RNF144A: variants seen among roughly 807,000 people sequenced by gnomAD.
The protein encoded by RNF144A is ring finger protein 144A, also known as E3 ubiquitin-protein ligase RNF144A.
RNF144A carries 11 observed loss-of-function variants against 38.7 expected under a neutral mutation model. The ratio of observed to expected loss-of-function variants is 0.28; its 90% CI spans 0.18 to 0.47. RNF144A has a LOEUF of 0.47. RNF144A is among the 20% of genes least tolerant of loss of function. The probability of loss-of-function intolerance (pLI) is 0.99; values close to 1 mark genes in which losing one functional copy is unlikely to be tolerated. For missense variants in RNF144A, 316 were observed against 377.2 expected (o/e 0.84, Z 1.34); for synonymous variants, 149 against 143.9 (o/e 1.04, Z -0.25).
At chr2:6,951,772 C>G (rs73157869) in intron 2 of RNF144A, among the ~76,000 whole-genome samples, 216 of 152,212 alleles carry the variant, frequency 1.4e-3, no homozygotes, top group African/African-American at 4.5e-3. Flanking sequence ...TAATATTGAT[C>G]TTGCATCTAG....
intron 2 of RNF144A, among the ~76,000 whole-genome samples, chr2:6,978,448 T>C (rs1353216943): frequency 6.6e-6 from 1 of 152,176 alleles, no homozygotes; most frequent in Non-Finnish European, 1.5e-5. Flanking sequence ...GGACACCTTA[T>C]AAAGGTTCCA....
At chr2:6,951,868 T>A (rs1056613663) in intron 2 of RNF144A, among the ~76,000 whole-genome samples, 10 of 152,206 alleles carry the variant, frequency 6.6e-5, no homozygotes, top group African/African-American at 2.2e-4. Context: ...GAAATTACTG[T>A]TTATTCATTT....
intron 1 of RNF144A, among the ~76,000 whole-genome samples, chr2:6,923,508 C>A (rs763200744): frequency 2.6e-5 from 4 of 152,204 alleles, no homozygotes; most frequent in African/African-American, 4.8e-5. Context: ...GACGTGTGCC[C>A]TGGGACGCTC....
intron 2 of RNF144A, among the ~76,000 whole-genome samples, chr2:6,946,600 G>A (rs1008239610): frequency 6.6e-6 from 1 of 151,986 alleles, no homozygotes; most frequent in Non-Finnish European, 1.5e-5. Flanking sequence ...ACCTCTTCTG[G>A]TAGAACACAG....
Position 7,043,456 on chromosome 2 carries a change from A to C in RNF144A, c.*3696A>C, listed in dbSNP as rs1673171894. 1 of 985,700 alleles carries C rather than the reference A, an allele frequency of 1.0e-6. No individual in the cohort carries two copies. The highest frequency in any genetic ancestry group is 1.2e-6 in the Non-Finnish European group (1 of 829,938). 61.1% of individuals were successfully genotyped at this position (985,700 alleles called of 1,614,324 possible). The stretch of plus-strand genomic sequence containing the variant: ...CTCAGATTCTCATTTATTAGTGAGC[A>C]CACCTGTGTATATATATAAATCACA... On this transcript the variant is annotated 3_prime_UTR_variant, in exon 9 of 9. Transcript: ENST00000320892.
At chr2:7,011,886 C>A (rs1670841550) in intron 3 of RNF144A, among the ~76,000 whole-genome samples, 1 of 152,186 alleles carries the variant, frequency 6.6e-6, no homozygotes, top group Non-Finnish European at 1.5e-5. Flanking sequence ...TTGATATTCC[C>A]AGAACATAAT....
chr2:6,996,974 G>C lies in RNF144A; in HGVS notation c.48G>C (p.Pro16=). ...CCACCTGGGACCTGGCCCTCGACCC[G>C]CTGGTGTCTTGCAAGCTCTGTCTTG... ...YRPTWDLALD[P]LVSCKLCLGE... Residue 16 remains proline (P), a synonymous_variant, in exon 3 of 9, where the codon CCG becomes CCC. Coordinates refer to ENST00000320892, the MANE Select transcript of RNF144A (RefSeq NM_014746.6). 6.2e-7 allele frequency: 1 copy of C among 1,614,038 alleles called. No homozygotes were observed. The highest frequency in any genetic ancestry group is 2.2e-5 in the East Asian group (1 of 44,884).
rs996757001 is a variant in RNF144A at position 7,001,982 on chromosome 2, G to A, written c.135+4921G>A. ...GGCAATGGGTATAAAGTATTGAGCA[G>A]TAGCATGCCTGGTGATAAGTAATAC... On this transcript the variant is annotated intron_variant, in intron 3 of 8. Transcript: ENST00000320892. 2.6e-5 allele frequency among the ~76,000 whole-genome samples: 4 copies of A among 152,332 alleles called. No homozygotes were observed. In the South Asian group the frequency reaches 8.3e-4, roughly 32 times the overall value.
intron 7 of RNF144A, among the ~76,000 whole-genome samples, 166 bp downstream of exon 7, chr2:7,024,682 A>C (rs1671762190): frequency 6.6e-6 from 1 of 152,242 alleles, no homozygotes; most frequent in Non-Finnish European, 1.5e-5. Context: ...ACATTAACTC[A>C]TGAGCGCCAT....
At chr2:6,991,051 C>T (rs1669337222) in intron 2 of RNF144A, among the ~76,000 whole-genome samples, 1 of 152,170 alleles carries the variant, frequency 6.6e-6, no homozygotes, top group Non-Finnish European at 1.5e-5. Context: ...ATTCCACTGC[C>T]TGGATATACC....
chr2:7,008,661 C>T (rs1455895521), intron 3 of RNF144A, among the ~76,000 whole-genome samples: 1 of 152,226 alleles, frequency 6.6e-6, no homozygotes, highest in African/African-American at 2.4e-5. Flanking sequence ...GAGCCTGCTT[C>T]CCTTTCTCCT....
intron 6 of RNF144A, among the ~76,000 whole-genome samples, chr2:7,066,355 G>C (rs1674223759): frequency 6.6e-6 from 1 of 152,104 alleles, no homozygotes; most frequent in South Asian, 2.1e-4. Context: ...CCAAAGTGCT[G>C]GGATTACAGG....
intron 2 of RNF144A, among the ~76,000 whole-genome samples, chr2:6,942,869 A>T (rs940444163): frequency 6.6e-6 from 1 of 152,194 alleles, no homozygotes; most frequent in Non-Finnish European, 1.5e-5. Flanking sequence ...CTGTAATTCC[A>T]GCTACTCGGG....
At chr2:7,072,753 G>A (rs139058343), downstream of RNF144A, among the ~76,000 whole-genome samples, 1 of 152,230 alleles carries the variant, frequency 6.6e-6, no homozygotes, top group African/African-American at 2.4e-5. Flanking sequence ...TTTGTGGAAT[G>A]AGTGAATGAA....
chr2:7,014,218 A>G (rs1320352558), intron 3 of RNF144A, among the ~76,000 whole-genome samples: 1 of 152,206 alleles, frequency 6.6e-6, no homozygotes, highest in African/African-American at 2.4e-5. Context: ...GATCTAACCC[A>G]TAGCCTTAGC....
intron 8 of RNF144A, among the ~76,000 whole-genome samples, chr2:7,030,970 A>C (rs950736539): frequency 4.6e-5 from 7 of 152,068 alleles, no homozygotes; most frequent in Admixed American, 2.0e-4. Flanking sequence ...AGTTCACAAC[A>C]GGGTTCGTGC....
intron 1 of RNF144A, 36 bp from the exon 2 acceptor site, chr2:6,940,912 T>C (rs1049527403): frequency 6.6e-6 from 1 of 152,432 alleles, no homozygotes; most frequent in Admixed American, 6.5e-5. Flanking sequence ...TCCTCCCTGC[T>C]CCTCTAACTG....
chr2:6,999,550 C>G (rs1256769436), intron 3 of RNF144A, among the ~76,000 whole-genome samples: 2 of 152,196 alleles, frequency 1.3e-5, no homozygotes, highest in East Asian at 3.9e-4. Context: ...GTAACTTTAT[C>G]TCAAGGAGTC....
At chr2:7,067,861 T>A (rs1246437638) in intron 6 of RNF144A, among the ~76,000 whole-genome samples, 2 of 152,172 alleles carry the variant, frequency 1.3e-5, no homozygotes, top group East Asian at 3.9e-4. Flanking sequence ...CCTTGATATC[T>A]GACTCAGTAT....
Sources: gnomAD v4.1 joint callset for allele counts (sites outside exome capture counted in the v4.1 genomes callset) on GRCh38, gnomAD v4.1.1 for gene constraint, MANE v1.5 for transcripts, NCBI Gene and HGNC (gene_info 2026-07-23, HGNC 2026-07-21) for gene names.